AP4E1: variants seen among roughly 807,000 people sequenced by gnomAD.
AP4E1 encodes the protein adaptor related protein complex 4 subunit epsilon 1.
In AP4E1, 56 loss-of-function variants were observed where a neutral mutation model predicts 128.2. That is an observed-to-expected ratio of 0.44 (90% CI 0.35 to 0.55). The LOEUF is 0.55. Among genes scored for constraint, AP4E1 ranks in the 20% least tolerant of loss-of-function variants. The pLI is 0.00. For missense variants in AP4E1, 1,324 were observed against 1,307.7 expected, an observed-to-expected ratio of 1.01 and a Z score of -0.19; for synonymous variants, 484 against 473.1, an observed-to-expected ratio of 1.02 and a Z score of -0.30.
At chr15:50,922,647 G>C (rs2063720380) in intron 3 of AP4E1, among the ~76,000 whole-genome samples, 1 of 152,174 alleles carries the variant, frequency 6.6e-6, no homozygotes, top group Admixed American at 6.6e-5. Context: ...CAGGGAATCA[G>C]GTCAAGATAG....
rs1758606446 is a variant in AP4E1, at chr15:51,002,732, A to T, written c.*70A>T. Reference sequence around the variant, plus strand: ...ATAGATAAACTTATTTACCAAAGTAAAAAGAACTCATGGTACTTCTAATGA... The same window carrying T: ...ATAGATAAACTTATTTACCAAAGTATAAAGAACTCATGGTACTTCTAATGA... On this transcript the variant is annotated 3_prime_UTR_variant, in exon 21 of 21. Transcript: ENST00000261842. 1 of 1,559,252 alleles carries T rather than the reference A, an allele frequency of 6.4e-7. No individual in the cohort carries two copies. The highest frequency in any genetic ancestry group is 1.4e-5 in the African/African-American group (1 of 73,918).
intron 13 of AP4E1, among the ~76,000 whole-genome samples, chr15:50,953,688 A>C (rs1360355921): frequency 1.3e-5 from 2 of 152,256 alleles, no homozygotes; most frequent in African/African-American, 4.8e-5. Flanking sequence ...CGATGCTGGC[A>C]ATTTGGATAT....
Position 51,004,411 on chromosome 15 carries a change from A to G in AP4E1, c.*1749A>G, listed in dbSNP as rs1326554527. On this transcript the variant is annotated 3_prime_UTR_variant, in exon 21 of 21. Coordinates refer to ENST00000261842, the MANE Select transcript of AP4E1 (RefSeq NM_007347.5). Reference sequence around the variant, plus strand: ...TGTCCTTACTTCCCTATGTTTGCCTAGTTACTGAGGCTAGGTCGAGTGTGA... The same window carrying G: ...TGTCCTTACTTCCCTATGTTTGCCTGGTTACTGAGGCTAGGTCGAGTGTGA... 1 of 152,232 alleles carries G rather than the reference A, an allele frequency of 6.6e-6. No homozygotes were observed. The allele number at this position is 152,232 out of a possible 1,614,324, so 9.4% of individuals were successfully genotyped here. A position where few individuals can be genotyped will look rare whatever the true frequency, so the allele number is the denominator to read the frequency against.
At chr15:50,965,793 A>T (rs1450709594) in intron 14 of AP4E1, among the ~76,000 whole-genome samples, 1 of 152,100 alleles carries the variant, frequency 6.6e-6, no homozygotes. Context: ...ACCATTTTGG[A>T]GCTTGATCAT....
intron 17 of AP4E1, among the ~76,000 whole-genome samples, chr15:50,995,225 A>C (rs180684092): frequency 6.6e-6 from 1 of 152,110 alleles, no homozygotes; most frequent in African/African-American, 2.4e-5. Flanking sequence ...CCTGTTCCCT[A>C]CTGATTTTTC....
chr15:51,005,685 T>C lies in AP4E1; in HGVS notation c.*3023T>C, dbSNP rs1170508590. 6.5e-6 allele frequency: 1 copy of C among 152,672 alleles called. No homozygotes were observed. The highest frequency in any genetic ancestry group is 1.5e-5 in the Non-Finnish European group (1 of 68,044). 9.5% of individuals were successfully genotyped at this position (152,672 alleles called of 1,614,324 possible). On this transcript the variant is annotated 3_prime_UTR_variant, in exon 21 of 21. Coordinates refer to ENST00000261842, the MANE Select transcript of AP4E1 (RefSeq NM_007347.5). ...TTGATCTGTTTATCTTATATTTTTA[T>C]GGATAAATGTAGTATTTGCCTCATG...
intron 17 of AP4E1, among the ~76,000 whole-genome samples, chr15:50,996,843 T>G (rs2064881368): frequency 6.6e-6 from 1 of 152,212 alleles, no homozygotes; most frequent in African/African-American, 2.4e-5. Context: ...ATTCTTGAGG[T>G]AAAACCAGTT....
chr15:50,938,229 C>A (rs1314083016), intron 8 of AP4E1, among the ~76,000 whole-genome samples: 1 of 152,082 alleles, frequency 6.6e-6, no homozygotes, highest in Non-Finnish European at 1.5e-5. Flanking sequence ...GAAGAGCCAG[C>A]AGTCTGGAAA....
At chr15:51,000,077 A>C (rs1377430531) in intron 19 of AP4E1, among the ~76,000 whole-genome samples, 1 of 150,466 alleles carries the variant, frequency 6.6e-6, no homozygotes, top group Non-Finnish European at 1.5e-5. Flanking sequence ...GAATATCTCT[A>C]TATATTTTTT....
intron 8 of AP4E1, among the ~76,000 whole-genome samples, chr15:50,937,463 A>G (rs2063922230): frequency 6.6e-6 from 1 of 152,256 alleles, no homozygotes; most frequent in South Asian, 2.1e-4. Flanking sequence ...CATTGTATAA[A>G]GTGGTGTATA....
At chr15:50,924,329 T>C (rs1236330063) in intron 4 of AP4E1, among the ~76,000 whole-genome samples, 1 of 152,166 alleles carries the variant, frequency 6.6e-6, no homozygotes, top group East Asian at 1.9e-4. Flanking sequence ...TTATCTTTTT[T>C]TCTAGGATCT....
intron 3 of AP4E1, among the ~76,000 whole-genome samples, chr15:50,917,563 G>T: frequency 6.6e-6 from 1 of 152,142 alleles, no homozygotes; most frequent in East Asian, 1.9e-4. Flanking sequence ...GCCTTCAATA[G>T]TGAAATTTTG....
chr15:50,999,555 G>A (rs1015756679), intron 19 of AP4E1, among the ~76,000 whole-genome samples: 2 of 152,086 alleles, frequency 1.3e-5, no homozygotes, highest in Admixed American at 6.5e-5. Context: ...AAGCTTGTGA[G>A]AAAAAGTATT....
chr15:50,984,233 C>G lies in AP4E1; in HGVS notation c.2090+88C>G, dbSNP rs2064684924. 3 of 1,441,716 alleles carry G rather than the reference C, an allele frequency of 2.1e-6. No individual in the cohort carries two copies. In the African/African-American group the frequency reaches 4.2e-5, roughly 20 times the overall value. 89.3% of individuals were successfully genotyped at this position (1,441,716 alleles called of 1,614,324 possible). Reference sequence around the variant, plus strand: ...TTTGCCTTCTGCTCCTGCCTCATATCATCATGGTCATTATTTGCTTATTTT... The same window carrying G: ...TTTGCCTTCTGCTCCTGCCTCATATGATCATGGTCATTATTTGCTTATTTT... On this transcript the variant is annotated intron_variant, in intron 16 of 20. Transcript: ENST00000261842.
At chr15:50,979,068 A>G (rs1308416658) in intron 15 of AP4E1, among the ~76,000 whole-genome samples, 1 of 151,856 alleles carries the variant, frequency 6.6e-6, no homozygotes, top group Non-Finnish European at 1.5e-5. Context: ...TGTACCTCTA[A>G]TTTTGAGCTT....
intron 10 of AP4E1, chr15:50,945,054 A>G: frequency 2.6e-6 from 2 of 779,894 alleles, no homozygotes; most frequent in Non-Finnish European, 4.8e-6. Flanking sequence ...TGGTGACAAA[A>G]CTGTGAAACA....
intron 10 of AP4E1, among the ~76,000 whole-genome samples, chr15:50,942,197 G>A (rs1196290652): frequency 6.6e-6 from 1 of 152,210 alleles, no homozygotes; most frequent in Non-Finnish European, 1.5e-5. Context: ...GATTACAGGT[G>A]TGAGCCACTG....
intron 15 of AP4E1, among the ~76,000 whole-genome samples, chr15:50,971,120 A>G (rs886947282): frequency 1.3e-5 from 2 of 152,146 alleles, no homozygotes; most frequent in African/African-American, 2.4e-5. Context: ...CATTTCATGT[A>G]AGGGTGGTCT....
intron 8 of AP4E1, among the ~76,000 whole-genome samples, chr15:50,938,323 G>A (rs2063935821): frequency 6.6e-6 from 1 of 152,110 alleles, no homozygotes; most frequent in South Asian, 2.1e-4. Flanking sequence ...AAATTAGCAA[G>A]GTAGAAAACT....
Sources: allele counts gnomAD v4.1 joint callset (sites outside exome capture counted in the v4.1 genomes callset), GRCh38; gene constraint gnomAD v4.1.1; transcripts MANE v1.5; gene names NCBI Gene and HGNC (gene_info 2026-07-23, HGNC 2026-07-21).